The following CYP2J2 variants were observed in gnomAD, a reference collection of about 807,000 sequenced individuals.
CYP2J2 encodes cytochrome P450 family 2 subfamily J member 2, also known as cytochrome P450 2J2.
A neutral mutation model predicts 48.8 loss-of-function variants in CYP2J2; 41 were observed. The ratio of observed to expected loss-of-function variants is 0.84; its 90% CI spans 0.66 to 1.09. The LOEUF is 1.09. Ranked by LOEUF, CYP2J2 falls within the 50% of genes least tolerant of loss-of-function variation. The probability of loss-of-function intolerance (pLI) is 0.00; values close to 1 mark genes in which losing one functional copy is unlikely to be tolerated. For synonymous variants in CYP2J2, 221 were observed against 227.1 expected (o/e 0.97, Z 0.24); for missense variants, 644 against 617.3 (o/e 1.04, Z -0.46).
At chr1:59,935,309 T>C in the CYP2J2 span, among the ~76,000 whole-genome samples, 5 of 151,884 alleles carry the variant, frequency 3.3e-5, no homozygotes, top group African/African-American at 4.8e-5. Context: ...ATAAGACATA[T>C]AAGTTTGGAG....
chr1:59,916,164 T>C (rs1264775832), intron 1 of CYP2J2, 64 bp from the exon 2 acceptor site: 5 of 1,404,490 alleles, frequency 3.6e-6, no homozygotes, highest in South Asian at 1.3e-5. Context: ...AAATGGAGGA[T>C]GTGTGTAGCT....
chr1:59,910,481 G>A (rs1258592350), intron 4 of CYP2J2, among the ~76,000 whole-genome samples: 1 of 152,092 alleles, frequency 6.6e-6, no homozygotes, highest in Non-Finnish European at 1.5e-5. Context: ...TATACACAGT[G>A]ATTCATGATT....
At chr1:59,932,026 T>C in the CYP2J2 span, among the ~76,000 whole-genome samples, 1 of 152,140 alleles carries the variant, frequency 6.6e-6, no homozygotes, top group Non-Finnish European at 1.5e-5. Flanking sequence ...ATGTGGTGTA[T>C]TATTTTTACT....
the CYP2J2 span, among the ~76,000 whole-genome samples, chr1:59,965,658 T>A: frequency 6.6e-6 from 1 of 150,776 alleles, no homozygotes; most frequent in African/African-American, 2.5e-5. Flanking sequence ...CAAATTCTGT[T>A]TTTTTGTTTT....
the CYP2J2 span, among the ~76,000 whole-genome samples, chr1:59,965,921 G>A: frequency 6.6e-6 from 1 of 152,002 alleles, no homozygotes; most frequent in Non-Finnish European, 1.5e-5. Flanking sequence ...CAAAGTGCTG[G>A]GATTACAAGT....
chr1:59,916,974 G>A (rs1208283437), intron 1 of CYP2J2, among the ~76,000 whole-genome samples: 1 of 152,108 alleles, frequency 6.6e-6, no homozygotes, highest in African/African-American at 2.4e-5. Context: ...TAATAGAAAC[G>A]TATGCTAGAT....
At chr1:59,944,980 T>A in the CYP2J2 span, among the ~76,000 whole-genome samples, 1 of 152,204 alleles carries the variant, frequency 6.6e-6, no homozygotes, top group East Asian at 1.9e-4. Flanking sequence ...CTATTATTTA[T>A]GTTGCTAGTA....
rs917366152 is a variant in CYP2J2 at position 59,907,665 on chromosome 1, C to T, written c.1003+121G>A. The T allele has an allele frequency of 1.0e-5, 11 of 1,074,370 alleles. No homozygotes were observed. In the Admixed American group the frequency reaches 2.0e-4, roughly 20 times the overall value. 66.6% of individuals were successfully genotyped at this position (1,074,370 alleles called of 1,614,324 possible). ...ATGTGCAGTTTCCAAGTCCTCATCACTCATGACTGTTCTGCCTCTCTTTTC... is the reference window on the plus strand; with the variant it reads ...ATGTGCAGTTTCCAAGTCCTCATCATTCATGACTGTTCTGCCTCTCTTTTC... On this transcript the variant is annotated intron_variant, in intron 6 of 8. Coordinates refer to ENST00000371204, the MANE Select transcript of CYP2J2 (RefSeq NM_000775.4).
At chr1:59,943,753 A>G in the CYP2J2 span, among the ~76,000 whole-genome samples, 1 of 152,028 alleles carries the variant, frequency 6.6e-6, no homozygotes, top group Admixed American at 6.5e-5. Context: ...GATGTAAGAG[A>G]AAAGATCTTC....
At chr1:59,968,677 G>T in the CYP2J2 span, among the ~76,000 whole-genome samples, 5 of 152,224 alleles carry the variant, frequency 3.3e-5, no homozygotes, top group Non-Finnish European at 7.3e-5. Flanking sequence ...CTGTGGGAGG[G>T]GTGGACATGT....
chr1:59,936,047 G>A, the CYP2J2 span, among the ~76,000 whole-genome samples: 6 of 152,170 alleles, frequency 3.9e-5, no homozygotes, highest in Non-Finnish European at 5.9e-5. Flanking sequence ...GATTACAGGC[G>A]TGAGCCACTG....
At chr1:59,962,894 G>T in the CYP2J2 span, among the ~76,000 whole-genome samples, 2 of 152,164 alleles carry the variant, frequency 1.3e-5, no homozygotes, top group Non-Finnish European at 2.9e-5. Context: ...TTCCAGCTTT[G>T]CAACCATCCA....
chr1:59,912,156 G>A lies in CYP2J2; in HGVS notation c.523+6C>T, dbSNP rs1409808188. The A allele has an allele frequency of 1.2e-6, 2 of 1,610,986 alleles. No individual in the cohort carries two copies. The highest frequency in any genetic ancestry group is 1.7e-5 in the Admixed American group (1 of 59,690). On this transcript the variant is annotated splice_donor_region_variant and intron_variant, in intron 3 of 8. Coordinates refer to ENST00000371204, the MANE Select transcript of CYP2J2 (RefSeq NM_000775.4). ...GTCTCTCACCTCTGTCATATGCAAT[G>A]CTCACCGTTCTCCTCTTTTATTGCT...
the CYP2J2 span, among the ~76,000 whole-genome samples, chr1:59,967,451 C>T: frequency 2.6e-5 from 4 of 152,236 alleles, no homozygotes; most frequent in Admixed American, 6.5e-5. Context: ...CTACCACAAG[C>T]AGCAGGGACA....
At chr1:59,896,114 AT>A (rs1303439752) in intron 8 of CYP2J2, among the ~76,000 whole-genome samples, 1 of 151,942 alleles carries the variant, frequency 6.6e-6, no homozygotes, top group East Asian at 1.9e-4. Context: ...GGAATCAGCC[AT>A]TTTTTTCCAA....
chr1:59,903,994 A>G (rs1427320939), intron 7 of CYP2J2, among the ~76,000 whole-genome samples: 2 of 152,220 alleles, frequency 1.3e-5, no homozygotes, highest in African/African-American at 4.8e-5. Context: ...ACCCATAATC[A>G]TTGCTTAATA....
intron 2 of CYP2J2, chr1:59,912,567 C>A: frequency 2.9e-6 from 1 of 349,454 alleles, no homozygotes; most frequent in Non-Finnish European, 5.2e-6. Context: ...GGGATAGGTA[C>A]AATTATTACC....
intron 3 of CYP2J2, among the ~76,000 whole-genome samples, 186 bp downstream of exon 3, chr1:59,911,976 A>G (rs535204009): frequency 1.3e-5 from 2 of 152,292 alleles, no homozygotes; most frequent in African/African-American, 4.8e-5. Context: ...TAAATTCAGT[A>G]ATGTGTTTAG....
In CYP2J2 at chr1:59,909,938, A is replaced by G. The variant is rs1644397466; in HGVS notation, c.707T>C (p.Ile236Thr). ...GTGGGGTCCAGGCAGGAATTTCATT[A>G]TCCATGGAAAGACATTGTAGAGCTA... Reference protein sequence around the residue: ...TCQLYNVFPWIMKFLPGPHQT... With the variant: ...TCQLYNVFPWTMKFLPGPHQT... The change falls in exon 5 of 9, where the codon ATA (isoleucine) becomes ACA (threonine). Residue 236 changes from isoleucine to threonine, a missense_variant. Transcript: ENST00000371204. 1.2e-6 allele frequency: 2 copies of G among 1,608,888 alleles called. No homozygotes were observed. The highest frequency in any genetic ancestry group is 1.7e-6 in the Non-Finnish European group (2 of 1,178,480).
Sources: allele counts gnomAD v4.1 joint callset (sites outside exome capture counted in the v4.1 genomes callset), GRCh38; gene constraint gnomAD v4.1.1; transcripts MANE v1.5; gene names NCBI Gene and HGNC (gene_info 2026-07-23, HGNC 2026-07-21).